The following TTC28 variants were observed in gnomAD, a reference collection of about 807,000 sequenced individuals.
The protein encoded by TTC28 is tetratricopeptide repeat domain 28.
In TTC28, 61 loss-of-function variants were observed where a neutral mutation model predicts 198.0. The observed-to-expected ratio is 0.31, with a 90% CI of 0.25 to 0.38. The LOEUF (loss-of-function observed/expected upper bound fraction) is 0.38. Ranked by LOEUF, TTC28 falls within the 10% of genes least tolerant of loss-of-function variation. The probability of loss-of-function intolerance (pLI) is 1.00; values close to 1 mark genes in which losing one functional copy is unlikely to be tolerated. For missense variants in TTC28, 2,678 were observed against 3,164.0 expected, an observed-to-expected ratio of 0.85 and a Z score of 3.69; for synonymous variants, 1,171 against 1,297.8, an observed-to-expected ratio of 0.90 and a Z score of 2.10.
At chr22:28,044,336 T>C (rs1462225086) in intron 12 of TTC28, among the ~76,000 whole-genome samples, 1 of 152,212 alleles carries the variant, frequency 6.6e-6, no homozygotes, top group Non-Finnish European at 1.5e-5. Flanking sequence ...GCCGAGAATC[T>C]ATACACACAT....
At chr22:28,562,321 G>A (rs1015021125) in intron 2 of TTC28, among the ~76,000 whole-genome samples, 2 of 152,136 alleles carry the variant, frequency 1.3e-5, no homozygotes, top group East Asian at 3.8e-4. Context: ...CTCCATTATA[G>A]ATGTATAAAA....
chr22:28,553,243 C>T (rs1208006246), intron 2 of TTC28, among the ~76,000 whole-genome samples: 24 of 150,598 alleles, frequency 1.6e-4, no homozygotes, highest in Non-Finnish European at 2.8e-4. Context: ...TCTGCCTGGC[C>T]GCCCATCGTC....
chr22:28,347,593 T>C (rs148902322), intron 2 of TTC28, among the ~76,000 whole-genome samples: 3,918 of 152,274 alleles, frequency 0.026, 70 homozygotes, highest in South Asian at 0.039. Context: ...AGCACCTGGC[T>C]GAGTGCAGTG....
At chr22:28,063,940 C>A (rs946355695) in intron 12 of TTC28, among the ~76,000 whole-genome samples, 11 of 152,136 alleles carry the variant, frequency 7.2e-5, no homozygotes, top group African/African-American at 2.4e-4. Context: ...GAAGGTTTAA[C>A]TGGGGGAGTC....
chr22:28,566,847 G>A (rs2049977049), intron 2 of TTC28, among the ~76,000 whole-genome samples: 1 of 152,182 alleles, frequency 6.6e-6, no homozygotes, highest in Non-Finnish European at 1.5e-5. Flanking sequence ...ACTTTAGGAA[G>A]CTGAGGTGGC....
At chr22:28,093,742 T>C (rs1438178852) in intron 12 of TTC28, among the ~76,000 whole-genome samples, 2 of 152,160 alleles carry the variant, frequency 1.3e-5, no homozygotes, top group African/African-American at 2.4e-5. Context: ...TTATAATTTG[T>C]TTATAACAAA....
chr22:28,372,578 T>TG (rs1372342675), intron 2 of TTC28, among the ~76,000 whole-genome samples: 1 of 151,804 alleles, frequency 6.6e-6, no homozygotes, highest in Non-Finnish European at 1.5e-5. Flanking sequence ...AAGACACTGA[T>TG]GTCTATTTGT....
At chr22:28,648,221 C>CAAA (rs34510876) in intron 1 of TTC28, among the ~76,000 whole-genome samples, 6 of 62,444 alleles carry the variant, frequency 9.6e-5, no homozygotes, top group Non-Finnish European at 1.6e-4. Flanking sequence ...GAGACTCTGT[C>CAAA]AAAAAAAAAA....
chr22:28,131,670 T>A (rs1376932704), intron 6 of TTC28, among the ~76,000 whole-genome samples: 1 of 152,216 alleles, frequency 6.6e-6, no homozygotes, highest in Non-Finnish European at 1.5e-5. Context: ...TGTCTGTATA[T>A]GTACTAACTC....
intron 2 of TTC28, among the ~76,000 whole-genome samples, chr22:28,430,454 G>T (rs1470168542): frequency 6.6e-6 from 1 of 152,104 alleles, no homozygotes; most frequent in African/African-American, 2.4e-5. Flanking sequence ...TTCTGAAGTT[G>T]GAAGAGCTTG....
intron 2 of TTC28, among the ~76,000 whole-genome samples, chr22:28,308,147 C>T (rs562011163): frequency 1.3e-5 from 2 of 152,238 alleles, no homozygotes. Context: ...AAGATAATAA[C>T]CTGTAAATGC....
At chr22:28,315,930 G>A (rs2045344426) in intron 2 of TTC28, among the ~76,000 whole-genome samples, 1 of 152,144 alleles carries the variant, frequency 6.6e-6, no homozygotes, top group African/African-American at 2.4e-5. Context: ...TGCGATGAAG[G>A]GATCCAGAAG....
chr22:28,053,135 G>T (rs2146711155), intron 12 of TTC28, among the ~76,000 whole-genome samples: 1 of 152,362 alleles, frequency 6.6e-6, no homozygotes, highest in Middle Eastern at 3.4e-3. Flanking sequence ...TGGCCGTAAA[G>T]AAATGCAAAG....
At chr22:28,555,207 G>A (rs890662084) in intron 2 of TTC28, among the ~76,000 whole-genome samples, 2 of 152,184 alleles carry the variant, frequency 1.3e-5, no homozygotes, top group African/African-American at 4.8e-5. Context: ...ATGTTGGCAT[G>A]GATGTAGTGA....
chr22:28,463,215 G>A (rs572466338), intron 2 of TTC28, among the ~76,000 whole-genome samples: 10 of 152,198 alleles, frequency 6.6e-5, no homozygotes, highest in Non-Finnish European at 7.3e-5. Context: ...CAATGGTAGC[G>A]TGATGCCTCC....
At chr22:28,261,544 G>A (rs943901505) in intron 5 of TTC28, among the ~76,000 whole-genome samples, 3 of 152,106 alleles carry the variant, frequency 2.0e-5, no homozygotes, top group African/African-American at 7.2e-5. Context: ...GCAAAGAGGC[G>A]TACTCTGTCT....
At chr22:28,033,048 G>C (rs1218963716) in intron 12 of TTC28, among the ~76,000 whole-genome samples, 1 of 152,166 alleles carries the variant, frequency 6.6e-6, no homozygotes, top group Non-Finnish European at 1.5e-5. Context: ...TCATCTGAAT[G>C]CAACTGCCTG....
intron 12 of TTC28, among the ~76,000 whole-genome samples, chr22:28,076,944 G>GC (rs1273543727): frequency 1.3e-5 from 2 of 151,974 alleles, no homozygotes; most frequent in African/African-American, 4.8e-5. Flanking sequence ...AGGTTTTATT[G>GC]CATCTATCTG....
At chr22:28,077,729 T>C (rs1277369779) in intron 12 of TTC28, among the ~76,000 whole-genome samples, 1 of 152,164 alleles carries the variant, frequency 6.6e-6, no homozygotes, top group Non-Finnish European at 1.5e-5. Flanking sequence ...TTTGTAAATA[T>C]AGAAAAACAC....
Sources: gnomAD v4.1 joint callset for allele counts (sites outside exome capture counted in the v4.1 genomes callset) on GRCh38, gnomAD v4.1.1 for gene constraint, MANE v1.5 for transcripts, NCBI Gene and HGNC (gene_info 2026-07-23, HGNC 2026-07-21) for gene names.